The following CFAP299 variants were observed in gnomAD, a reference collection of about 807,000 sequenced individuals.
The protein encoded by CFAP299 is cilia and flagella associated protein 299, also known as cilia- and flagella-associated protein 299.
A neutral mutation model predicts 27.0 loss-of-function variants in CFAP299; 21 were observed. That is an observed-to-expected ratio of 0.78 (90% CI 0.55 to 1.12). CFAP299 has a LOEUF of 1.12. Ranked by LOEUF, CFAP299 falls within the 50% of genes most tolerant of loss-of-function variation. CFAP299 has a pLI of 0.00. For missense variants in CFAP299, 310 were observed against 276.6 expected (o/e 1.12, Z -0.86); for synonymous variants, 104 against 98.1 (o/e 1.06, Z -0.36).
intron 2 of CFAP299, among the ~76,000 whole-genome samples, chr4:80,453,678 TA>T (rs1729003203): frequency 6.6e-6 from 1 of 151,484 alleles, no homozygotes; most frequent in Non-Finnish European, 1.5e-5. Context: ...CCGTCTCTAC[TA>T]AAAATACAAA....
At chr4:80,915,197 AT>A in intron 4 of CFAP299, among the ~76,000 whole-genome samples, 1 of 151,914 alleles carries the variant, frequency 6.6e-6, no homozygotes, top group South Asian at 2.1e-4. Context: ...TTTTTCTCAA[AT>A]TATTTTTATT....
At chr4:80,661,812 T>C (rs1740865633) in intron 3 of CFAP299, among the ~76,000 whole-genome samples, 1 of 152,200 alleles carries the variant, frequency 6.6e-6, no homozygotes, top group African/African-American at 2.4e-5. Flanking sequence ...GGAGAAATAC[T>C]GCTGAATTCT....
At chr4:80,413,630 C>T (rs769892467) in intron 2 of CFAP299, among the ~76,000 whole-genome samples, 9 of 152,032 alleles carry the variant, frequency 5.9e-5, no homozygotes, top group South Asian at 2.1e-4. Context: ...ATTCACTTTT[C>T]GTCTGTGTCT....
chr4:80,387,089 G>A (rs967567231), intron 2 of CFAP299: 3 of 1,445,138 alleles, frequency 2.1e-6, no homozygotes, highest in Non-Finnish European at 1.9e-6. Context: ...CGGTCTGCAG[G>A]TGATGCTCCA....
intron 2 of CFAP299, among the ~76,000 whole-genome samples, chr4:80,550,707 A>G (rs879384859): frequency 4.6e-5 from 7 of 151,022 alleles, no homozygotes; most frequent in Admixed American, 3.3e-4. Context: ...GGGAGTAGCT[A>G]TATATATATA....
At chr4:80,672,401 T>A (rs1171726802) in intron 3 of CFAP299, among the ~76,000 whole-genome samples, 1 of 152,206 alleles carries the variant, frequency 6.6e-6, no homozygotes, top group Non-Finnish European at 1.5e-5. Context: ...CTGGATTCGG[T>A]TTGCCAGTAT....
At chr4:80,905,014 A>G (rs973128172) in intron 4 of CFAP299, among the ~76,000 whole-genome samples, 1 of 152,248 alleles carries the variant, frequency 6.6e-6, no homozygotes, top group African/African-American at 2.4e-5. Flanking sequence ...TATGATACTT[A>G]AAAGTATGTG....
intron 3 of CFAP299, among the ~76,000 whole-genome samples, chr4:80,628,110 C>G (rs1739006487): frequency 6.6e-6 from 1 of 152,082 alleles, no homozygotes; most frequent in East Asian, 1.9e-4. Context: ...GTGACCAAAA[C>G]AGCATGGTAC....
chr4:80,910,944 T>TA lies in CFAP299; in HGVS notation c.477-33859dup, dbSNP rs972526059. Among the ~76,000 whole-genome samples, 9 of 152,128 alleles carry TA rather than the reference T, an allele frequency of 5.9e-5. No individual in the cohort carries two copies. The South Asian group carries it at 1.9e-3, about 32-fold the overall frequency. ...ATACACTATTGGAAATGCTTCCACA[T>TA]AAAAAAAGCAACTTGGATAATTTAA... is the stretch of plus-strand genomic sequence containing the variant. On this transcript the variant is annotated intron_variant, in intron 4 of 5. Coordinates refer to ENST00000358105, the MANE Select transcript of CFAP299 (RefSeq NM_152770.3).
At chr4:80,902,002 A>G (rs1174262423) in intron 4 of CFAP299, among the ~76,000 whole-genome samples, 1 of 151,972 alleles carries the variant, frequency 6.6e-6, no homozygotes, top group Non-Finnish European at 1.5e-5. Context: ...TTTTGTGTGT[A>G]TATATTTATA....
intron 3 of CFAP299, among the ~76,000 whole-genome samples, chr4:80,617,732 G>A (rs1577938194): frequency 6.6e-6 from 1 of 152,132 alleles, no homozygotes; most frequent in East Asian, 1.9e-4. Context: ...CATTTAATAG[G>A]GAAGGGCATA....
At chr4:80,543,874 C>T (rs1440199432) in intron 2 of CFAP299, among the ~76,000 whole-genome samples, 1 of 152,022 alleles carries the variant, frequency 6.6e-6, no homozygotes, top group Non-Finnish European at 1.5e-5. Context: ...ACAACCATCC[C>T]CAAGACACAC....
chr4:80,693,069 A>AG (rs758312334), intron 3 of CFAP299, among the ~76,000 whole-genome samples: 2 of 152,222 alleles, frequency 1.3e-5, no homozygotes, highest in African/African-American at 4.8e-5. Context: ...CAGGATGTGG[A>AG]AAATAGGAAC....
intron 2 of CFAP299, among the ~76,000 whole-genome samples, chr4:80,553,617 GCCA>G (rs1393357590): frequency 1.3e-5 from 2 of 152,058 alleles, no homozygotes; most frequent in African/African-American, 4.8e-5. Flanking sequence ...AATTTGCACT[GCCA>G]CCAACAGTGT....
At chr4:80,609,894 G>A (rs898679821) in intron 3 of CFAP299, among the ~76,000 whole-genome samples, 1 of 152,038 alleles carries the variant, frequency 6.6e-6, no homozygotes, top group South Asian at 2.1e-4. Context: ...CCCTCAAAAT[G>A]ATAGAGTGAA....
chr4:80,910,168 C>T (rs1452138416), intron 4 of CFAP299, among the ~76,000 whole-genome samples: 2 of 152,004 alleles, frequency 1.3e-5, no homozygotes, highest in Admixed American at 6.6e-5. Flanking sequence ...TTTATGAAAA[C>T]TAGTTATTGT....
intron 3 of CFAP299, among the ~76,000 whole-genome samples, chr4:80,799,014 G>C (rs375806356): frequency 2.7e-5 from 4 of 148,856 alleles, no homozygotes; most frequent in Admixed American, 6.9e-5. Context: ...CCTTAATATT[G>C]TTTCTCTAGA....
chr4:80,555,588 A>T (rs1734741652), intron 2 of CFAP299, among the ~76,000 whole-genome samples: 1 of 152,004 alleles, frequency 6.6e-6, no homozygotes, highest in African/African-American at 2.4e-5. Flanking sequence ...GAACTTATTT[A>T]TACACCTGGT....
intron 2 of CFAP299, among the ~76,000 whole-genome samples, chr4:80,519,032 A>G (rs939214948): frequency 2.3e-5 from 3 of 130,252 alleles, no homozygotes; most frequent in Admixed American, 7.3e-5. Flanking sequence ...ACTGTAGAAG[A>G]GTCAAAAATT....
Sources: gnomAD v4.1 joint callset for allele counts (sites outside exome capture counted in the v4.1 genomes callset) on GRCh38, gnomAD v4.1.1 for gene constraint, MANE v1.5 for transcripts, NCBI Gene and HGNC (gene_info 2026-07-23, HGNC 2026-07-21) for gene names.